CEP43: variants seen among roughly 807,000 people sequenced by gnomAD.
CEP43 encodes centrosomal protein 43.
A neutral mutation model predicts 52.6 loss-of-function variants in CEP43; 36 were observed. The ratio of observed to expected loss-of-function variants is 0.68; its 90% CI spans 0.52 to 0.90. CEP43 has a LOEUF of 0.90. Ranked by LOEUF, CEP43 falls within the 40% of genes least tolerant of loss-of-function variation. CEP43 has a pLI of 0.00. For synonymous variants in CEP43, 192 were observed against 172.4 expected, an observed-to-expected ratio of 1.11 and a Z score of -0.89; for missense variants, 506 against 472.8, an observed-to-expected ratio of 1.07 and a Z score of -0.65.
intron 2 of CEP43, among the ~76,000 whole-genome samples, chr6:167,000,442 T>A (rs555923239): frequency 6.6e-6 from 1 of 152,358 alleles, no homozygotes; most frequent in South Asian, 2.1e-4. Flanking sequence ...AATATGTTAT[T>A]AATCCCTATG....
chr6:167,001,354 T>C (rs934766841), intron 2 of CEP43, among the ~76,000 whole-genome samples: 5 of 152,240 alleles, frequency 3.3e-5, no homozygotes, highest in African/African-American at 1.2e-4. Flanking sequence ...AAAACATGTT[T>C]AAATAACTAT....
intron 6 of CEP43, 107 bp from the exon 7 acceptor site, chr6:167,013,401 C>A: frequency 1.2e-6 from 1 of 853,692 alleles, no homozygotes; most frequent in South Asian, 1.6e-5. Flanking sequence ...ACTAGATGTT[C>A]CACTTCTGAG....
rs971560146 is a variant in CEP43, at chr6:167,051,006, A to G, written c.*11028A>G. 2 of 151,994 alleles carry G rather than the reference A, an allele frequency of 1.3e-5. No individual in the cohort carries two copies. Among genetic ancestry groups the G allele is most frequent in the African/African-American group, 4.8e-5 (2 of 41,380 alleles). The allele number at this position is 151,994 out of a possible 1,614,324, so 9.4% of individuals were successfully genotyped here. On this transcript the variant is annotated 3_prime_UTR_variant, in exon 13 of 13. Transcript: ENST00000366847. ...ATTTGGAGGCTAGGTCTTTTCAAAG[A>G]TAGTTTGGTGGGCAGGGGTTTGTGT...
At position 167,050,102 on chromosome 6, in the gene CEP43, G is replaced by A. The variant is rs914515906; in HGVS notation, c.*10124G>A. Reference sequence around the variant, plus strand: ...CATAATCTCCATGTGTCAAGGGTGGGACCAGGTGGAGGTAATTGGATCATG... The same window carrying A: ...CATAATCTCCATGTGTCAAGGGTGGAACCAGGTGGAGGTAATTGGATCATG... On this transcript the variant is annotated 3_prime_UTR_variant, in exon 13 of 13. Transcript: ENST00000366847. 1 of 152,200 alleles carries A rather than the reference G, an allele frequency of 6.6e-6. No homozygotes were observed. Among genetic ancestry groups the A allele is most frequent in the Non-Finnish European group, 1.5e-5 (1 of 68,046 alleles). The allele number at this position is 152,200 out of a possible 1,614,324, so 9.4% of individuals were successfully genotyped here. A position where few individuals can be genotyped will look rare whatever the true frequency, so the allele number is the denominator to read the frequency against.
In CEP43 at chr6:167,051,561, GTATT is replaced by G. The variant is rs568933344; in HGVS notation, c.*11588_*11591del. 2 of 152,134 alleles carry G rather than the reference GTATT, an allele frequency of 1.3e-5. No homozygotes were observed. The highest frequency in any genetic ancestry group is 2.4e-5 in the African/African-American group (1 of 41,440). 9.4% of individuals were successfully genotyped at this position (152,134 alleles called of 1,614,324 possible). A position where few individuals can be genotyped will look rare whatever the true frequency, so the allele number is the denominator to read the frequency against. On this transcript the variant is annotated 3_prime_UTR_variant, in exon 13 of 13. Transcript: ENST00000366847. Reference sequence around the variant, plus strand: ...TCTGAAACTTTTATTGTTAAATTATGTATTTATTCCTTTAGTTCTGTCATGTTCT... The same window carrying G: ...TCTGAAACTTTTATTGTTAAATTATGTATTCCTTTAGTTCTGTCATGTTCT...
In CEP43 at chr6:167,040,648, A is replaced by C. The variant is rs981813059; in HGVS notation, c.*670A>C. On this transcript the variant is annotated 3_prime_UTR_variant, in exon 13 of 13. Coordinates refer to ENST00000366847, the MANE Select transcript of CEP43 (RefSeq NM_007045.4). The stretch of plus-strand genomic sequence containing the variant: ...TTTAATTCATAGAATTGTCAATAAC[A>C]TAACATTTGCAATCGTCATTCCTCC... The C allele has an allele frequency of 2.4e-5, 25 of 1,029,316 alleles. No individual in the cohort carries two copies. The African/African-American group carries it at 4.2e-4, about 17-fold the overall frequency. 63.8% of individuals were successfully genotyped at this position (1,029,316 alleles called of 1,614,324 possible).
chr6:167,035,757 C>T (rs1583292647), intron 12 of CEP43, among the ~76,000 whole-genome samples: 1 of 151,852 alleles, frequency 6.6e-6, no homozygotes, highest in African/African-American at 2.4e-5. Flanking sequence ...TTTATAGAGA[C>T]AGGACTTCAC....
At position 167,049,826 on chromosome 6, in the gene CEP43, C is replaced by T. The variant is rs1374509172; in HGVS notation, c.*9848C>T. 2 of 152,216 alleles carry T rather than the reference C, an allele frequency of 1.3e-5. No individual in the cohort carries two copies. Among genetic ancestry groups the T allele is most frequent in the East Asian group, 1.9e-4 (1 of 5,204 alleles). The allele number at this position is 152,216 out of a possible 1,614,324, so 9.4% of individuals were successfully genotyped here. A position where few individuals can be genotyped will look rare whatever the true frequency, so the allele number is the denominator to read the frequency against. ...GCAGCTGCACCATTTTATATCCCTA[C>T]CAGCAATGCATGAAGCTTCCAGTTT... is the stretch of plus-strand genomic sequence containing the variant. On this transcript the variant is annotated 3_prime_UTR_variant, in exon 13 of 13. Transcript: ENST00000366847.
At chr6:167,013,904 C>T (rs750893641) in intron 7 of CEP43, among the ~76,000 whole-genome samples, 1 of 152,080 alleles carries the variant, frequency 6.6e-6, no homozygotes, top group Non-Finnish European at 1.5e-5. Flanking sequence ...ACCCGGGAAG[C>T]GGAGGTTGCA....
At chr6:167,003,445 A>C (rs1221621716) in intron 3 of CEP43, 198 bp downstream of exon 3, 5 of 508,652 alleles carry the variant, frequency 9.8e-6, no homozygotes, top group Non-Finnish European at 1.7e-5. Context: ...GCTTAAAGCC[A>C]GTTTTACTAC....
chr6:167,039,046 T>G (rs79991302), intron 12 of CEP43, among the ~76,000 whole-genome samples: 3,085 of 152,268 alleles, frequency 0.02, 51 homozygotes, highest in East Asian at 0.091. Context: ...TGGGAAGATG[T>G]GATGTTTGGT....
At chr6:167,001,981 C>T (rs1262395380) in intron 2 of CEP43, among the ~76,000 whole-genome samples, 1 of 152,170 alleles carries the variant, frequency 6.6e-6, no homozygotes, top group Non-Finnish European at 1.5e-5. Flanking sequence ...AACCAGCCTA[C>T]CAACTACCTT....
At chr6:167,039,823 TTG>T in intron 12 of CEP43, 79 bp from the exon 13 acceptor site, 3 of 1,437,004 alleles carry the variant, frequency 2.1e-6, no homozygotes, top group Non-Finnish European at 2.9e-6. Flanking sequence ...TGGTATCTCA[TTG>T]TGGCTTTGAT....
chr6:167,007,444 C>A (rs1779880478), intron 5 of CEP43, among the ~76,000 whole-genome samples: 1 of 152,112 alleles, frequency 6.6e-6, no homozygotes, highest in South Asian at 2.1e-4. Context: ...GTAAGTTGGG[C>A]ATCTCATCTC....
In CEP43 at chr6:166,999,427, G is replaced by A; in HGVS notation, c.15G>A (p.Ala5=). 2.7e-6 allele frequency: 4 copies of A among 1,474,340 alleles called. No homozygotes were observed. The highest frequency in any genetic ancestry group is 3.6e-6 in the Non-Finnish European group (4 of 1,110,466). The allele number at this position is 1,474,340 out of a possible 1,614,324, so 91.3% of individuals were successfully genotyped here. ...GGAGAAGCAAGATGGCGGCGACGGC[G>A]GCCGCAGTGGTGGCCGAGGAGGACA... MAAT[A]AAVVAEEDTE... The change falls in exon 1 of 13, where the codon GCG becomes GCA. Residue 5 remains alanine, a synonymous_variant. Coordinates refer to ENST00000366847, the MANE Select transcript of CEP43 (RefSeq NM_007045.4).
chr6:167,011,648 G>T, intron 6 of CEP43: 1 of 153,036 alleles, frequency 6.5e-6, no homozygotes, highest in South Asian at 2.0e-4. Context: ...AAGTACCATA[G>T]ATTGGGCAGC....
At chr6:167,031,388 C>A (rs1006005036) in intron 10 of CEP43, among the ~76,000 whole-genome samples, 2 of 152,216 alleles carry the variant, frequency 1.3e-5, no homozygotes, top group Admixed American at 1.3e-4. Context: ...TTGGTTTGTT[C>A]CACTGTTCCT....
At chr6:167,005,021 A>G (rs1305244778) in intron 5 of CEP43, among the ~76,000 whole-genome samples, 1 of 152,208 alleles carries the variant, frequency 6.6e-6, no homozygotes, top group Non-Finnish European at 1.5e-5. Flanking sequence ...TTATTTTCAT[A>G]CATTAATTTT....
chr6:166,999,535 CG>C, intron 1 of CEP43, 21 bp downstream of exon 1: 1 of 1,386,802 alleles, frequency 7.2e-7, no homozygotes, highest in Non-Finnish European at 9.5e-7. Flanking sequence ...AGGCTGGGGC[CG>C]GGCCTGGCGG....
Sources: allele counts gnomAD v4.1 joint callset (sites outside exome capture counted in the v4.1 genomes callset), GRCh38; gene constraint gnomAD v4.1.1; transcripts MANE v1.5; gene names NCBI Gene and HGNC (gene_info 2026-07-23, HGNC 2026-07-21).